Variants in MMP26 observed in about 807,000 individuals in gnomAD.
The protein encoded by MMP26 is matrix metallopeptidase 26.
MMP26 carries 33 observed loss-of-function variants against 31.0 expected under a neutral mutation model. The observed-to-expected ratio is 1.06, with a 90% CI of 0.81 to 1.42. MMP26 has a LOEUF of 1.42. Among genes scored for constraint, MMP26 ranks in the 40% most tolerant of loss-of-function variants. MMP26 has a pLI of 0.00. For missense variants in MMP26, 347 were observed against 316.1 expected, an observed-to-expected ratio of 1.10 and a Z score of -0.74; for synonymous variants, 122 against 114.9, an observed-to-expected ratio of 1.06 and a Z score of -0.40.
rs1848445877 is a variant in MMP26 at position 4,751,465 on chromosome 11, T to G, written c.-216-15805T>G. Among the ~76,000 whole-genome samples, 2 of 152,114 alleles carry G rather than the reference T, an allele frequency of 1.3e-5. 1 individual carries two copies. Among genetic ancestry groups the G allele is most frequent in the South Asian group, 4.1e-4 (2 of 4,830 alleles). On this transcript the variant is annotated intron_variant, in intron 1 of 7. Transcript: ENST00000380390. Reference sequence around the variant, plus strand: ...TTGAAACCTAAGTAGAACTTCACAGTGAAGTGGATGTTAAAGTTGAAGTGG... The same window carrying G: ...TTGAAACCTAAGTAGAACTTCACAGGGAAGTGGATGTTAAAGTTGAAGTGG...
intron 2 of MMP26, among the ~76,000 whole-genome samples, chr11:4,849,455 CTGTTTCTTT>C (rs1849942476): frequency 6.6e-6 from 1 of 152,122 alleles, no homozygotes. Context: ...CTCTGTGGTT[CTGTTTCTTT>C]TCCTAGATTG....
At chr11:4,766,129 T>C (rs7112009) in intron 1 of MMP26, among the ~76,000 whole-genome samples, 54,152 of 152,106 alleles carry the variant, frequency 0.36, 11,610 homozygotes, top group African/African-American at 0.58. Flanking sequence ...TTCATGGATT[T>C]TTGCCATAAA....
chr11:4,958,969 T>C (rs1191522676), intron 2 of MMP26, among the ~76,000 whole-genome samples: 4 of 152,116 alleles, frequency 2.6e-5, no homozygotes, highest in African/African-American at 4.8e-5. Context: ...CCGGGCGCGG[T>C]GGCTCACGCC....
In MMP26 at chr11:4,968,675, T is replaced by C. The variant is rs983488511; in HGVS notation, c.-144-19393T>C. Among the ~76,000 whole-genome samples, 3 of 151,394 alleles carry C rather than the reference T, an allele frequency of 2.0e-5. No individual in the cohort carries two copies. The South Asian group carries it at 6.2e-4, about 31-fold the overall frequency. ...TATAGAAAAACACTTTTACAATTTC[T>C]TATTAAGAGCAGACAAATAATCCAT... On this transcript the variant is annotated intron_variant, in intron 2 of 7. Coordinates refer to ENST00000380390, the MANE Select transcript of MMP26 (RefSeq NM_021801.5).
intron 2 of MMP26, among the ~76,000 whole-genome samples, chr11:4,928,940 T>A (rs765945328): frequency 6.6e-6 from 1 of 152,154 alleles, no homozygotes. Flanking sequence ...AGGATGCAGA[T>A]GTAGCTAACT....
intron 2 of MMP26, among the ~76,000 whole-genome samples, chr11:4,897,026 T>C (rs1200143217): frequency 6.6e-6 from 1 of 152,158 alleles, no homozygotes; most frequent in African/African-American, 2.4e-5. Flanking sequence ...ACTGACCATA[T>C]ATATTCATAT....
chr11:4,762,780 A>G (rs1437566211), intron 1 of MMP26, among the ~76,000 whole-genome samples: 3 of 152,204 alleles, frequency 2.0e-5, no homozygotes, highest in African/African-American at 7.2e-5. Flanking sequence ...CAAATAGTTC[A>G]TGTATTTTCT....
intron 2 of MMP26, among the ~76,000 whole-genome samples, chr11:4,843,891 A>G (rs2133492344): frequency 6.6e-6 from 1 of 152,328 alleles, no homozygotes; most frequent in South Asian, 2.1e-4. Flanking sequence ...ATGGGTGTAC[A>G]CCGTTATAAG....
chr11:4,854,565 A>G (rs1850022208), intron 2 of MMP26, among the ~76,000 whole-genome samples: 1 of 152,178 alleles, frequency 6.6e-6, no homozygotes, highest in African/African-American at 2.4e-5. Context: ...AGCAGCCTGG[A>G]AGTTCAAACT....
intron 1 of MMP26, among the ~76,000 whole-genome samples, chr11:4,762,424 G>A (rs1214997845): frequency 1.3e-5 from 2 of 152,004 alleles, no homozygotes; most frequent in East Asian, 3.9e-4. Context: ...TAGAGTTAGG[G>A]CCTCTTAATA....
intron 1 of MMP26, among the ~76,000 whole-genome samples, chr11:4,708,271 ATCTT>A (rs1847808458): frequency 6.6e-6 from 1 of 152,174 alleles, no homozygotes; most frequent in Admixed American, 6.5e-5. Context: ...TCCAGCCACT[ATCTT>A]TCTTTGCGTG....
chr11:4,813,124 C>G, intron 2 of MMP26, among the ~76,000 whole-genome samples: 1 of 151,984 alleles, frequency 6.6e-6, no homozygotes, highest in East Asian at 1.9e-4. Flanking sequence ...CCTGCCTCAG[C>G]CTCCCAAGTA....
At chr11:4,770,889 G>A (rs993885330) in intron 2 of MMP26, among the ~76,000 whole-genome samples, 1 of 151,966 alleles carries the variant, frequency 6.6e-6, no homozygotes, top group African/African-American at 2.4e-5. Context: ...GATGTTACAT[G>A]AGCAGCTGTG....
chr11:4,728,716 G>A (rs1035189072), intron 1 of MMP26, among the ~76,000 whole-genome samples: 1 of 151,748 alleles, frequency 6.6e-6, no homozygotes, highest in Non-Finnish European at 1.5e-5. Flanking sequence ...TTTTTCTTAG[G>A]AGGTGCTTGC....
At chr11:4,895,010 A>G (rs1001274263) in intron 2 of MMP26, among the ~76,000 whole-genome samples, 9 of 152,338 alleles carry the variant, frequency 5.9e-5, no homozygotes, top group South Asian at 2.1e-4. Context: ...GCAAAGCCCT[A>G]ATCAGTTGAA....
chr11:4,724,008 A>G (rs1490663390), intron 1 of MMP26: 10 of 702,832 alleles, frequency 1.4e-5, no homozygotes, highest in Non-Finnish European at 2.3e-5. Flanking sequence ...CGCTGGACCC[A>G]CCATAACCTC....
At chr11:4,929,721 T>C (rs1355538453) in intron 2 of MMP26, among the ~76,000 whole-genome samples, 2 of 152,290 alleles carry the variant, frequency 1.3e-5, no homozygotes, top group African/African-American at 4.8e-5. Flanking sequence ...ATTATTTAGA[T>C]GCTTTAGATA....
At chr11:4,745,322 A>T (rs1405925648) in intron 1 of MMP26, among the ~76,000 whole-genome samples, 2 of 152,222 alleles carry the variant, frequency 1.3e-5, no homozygotes, top group Non-Finnish European at 2.9e-5. Flanking sequence ...GGCTTCCCAG[A>T]CTGGCTGAGT....
At chr11:4,741,760 G>T (rs906065626) in intron 1 of MMP26, among the ~76,000 whole-genome samples, 2 of 151,738 alleles carry the variant, frequency 1.3e-5, no homozygotes, top group African/African-American at 4.8e-5. Context: ...ATGTATCCTG[G>T]AACTTAAAGT....
Sources: allele counts gnomAD v4.1 joint callset (sites outside exome capture counted in the v4.1 genomes callset), GRCh38; gene constraint gnomAD v4.1.1; transcripts MANE v1.5; gene names NCBI Gene and HGNC (gene_info 2026-07-23, HGNC 2026-07-21).